The following GABRB1 variants were observed in gnomAD, a reference collection of about 807,000 sequenced individuals.
GABRB1 encodes the protein gamma-aminobutyric acid receptor subunit beta-1.
GABRB1 carries 17 observed loss-of-function variants against 51.6 expected under a neutral mutation model. The observed-to-expected ratio is 0.33, with a 90% CI of 0.23 to 0.49. GABRB1 has a LOEUF of 0.49. Ranked by LOEUF, GABRB1 falls within the 20% of genes least tolerant of loss-of-function variation. The probability of loss-of-function intolerance (pLI) is 0.99; values close to 1 mark genes in which losing one functional copy is unlikely to be tolerated. For synonymous variants in GABRB1, 247 were observed against 218.9 expected (o/e 1.13, Z -1.14); for missense variants, 410 against 600.6 (o/e 0.68, Z 3.32).
chr4:47,097,525 T>G (rs1714506434), intron 3 of GABRB1, among the ~76,000 whole-genome samples: 1 of 152,242 alleles, frequency 6.6e-6, no homozygotes, highest in African/African-American at 2.4e-5. Flanking sequence ...ACAACACTTC[T>G]TCCATTTTAC....
At chr4:47,333,059 AATCT>A (rs1209439903) in intron 5 of GABRB1, among the ~76,000 whole-genome samples, 1 of 148,078 alleles carries the variant, frequency 6.8e-6, no homozygotes, top group Non-Finnish European at 1.5e-5. Context: ...ACAAGATGTT[AATCT>A]ATTTTTAAAA....
rs114601873 is a variant in GABRB1, at chr4:47,419,551, G to A, written c.1081-6123G>A. 7.0e-3 allele frequency among the ~76,000 whole-genome samples: 1,067 copies of A among 152,230 alleles called. 5 individuals are homozygous for A. The highest frequency in any genetic ancestry group is 0.01 in the Non-Finnish European group (714 of 68,008). ...AGTAAAACATTTAGAATCAATAGGG[G>A]GTCAGGGTTCCAGTGTTTGTACAGG... On this transcript the variant is annotated intron_variant, in intron 8 of 8. Coordinates refer to ENST00000295454, the MANE Select transcript of GABRB1 (RefSeq NM_000812.4).
chr4:47,239,442 G>A (rs1721443579), intron 4 of GABRB1, among the ~76,000 whole-genome samples: 1 of 152,106 alleles, frequency 6.6e-6, no homozygotes, highest in African/African-American at 2.4e-5. Flanking sequence ...TCTGGTAGGT[G>A]TATATTTAGC....
At chr4:47,407,957 T>G (rs2110056227) in intron 8 of GABRB1, among the ~76,000 whole-genome samples, 1 of 152,244 alleles carries the variant, frequency 6.6e-6, no homozygotes, top group Admixed American at 6.5e-5. Context: ...CCGGGCATTG[T>G]GGTGTTTGCC....
chr4:47,031,755 G>GCT (rs33980898), intron 1 of GABRB1, 24 bp downstream of exon 1: 18,174 of 473,922 alleles, frequency 0.038, 84 homozygotes, highest in African/African-American at 0.14. Context: ...GTTGAATCTC[G>GCT]CTCTCTCTCT....
intron 1 of GABRB1, among the ~76,000 whole-genome samples, chr4:47,001,812 T>G (rs4695187): frequency 0.61 from 93,498 of 152,098 alleles, 28,935 homozygotes; most frequent in East Asian, 0.66. Context: ...TACGGGGATA[T>G]AAAATTAAAT....
chr4:47,411,599 T>C (rs1728763770), intron 8 of GABRB1, among the ~76,000 whole-genome samples: 1 of 152,192 alleles, frequency 6.6e-6, no homozygotes, highest in Admixed American at 6.5e-5. Flanking sequence ...GAATGCTTGT[T>C]ACATGAATCT....
At chr4:47,304,783 T>G (rs560313388) in intron 4 of GABRB1, among the ~76,000 whole-genome samples, 1 of 152,230 alleles carries the variant, frequency 6.6e-6, no homozygotes, top group South Asian at 2.1e-4. Context: ...ATTTTATGTA[T>G]GGAGCTACTA....
intron 5 of GABRB1, among the ~76,000 whole-genome samples, chr4:47,337,573 G>A (rs1395146010): frequency 6.6e-6 from 1 of 151,934 alleles, no homozygotes; most frequent in African/African-American, 2.4e-5. Context: ...GGGAGGCCGA[G>A]GCAGGTGGAT....
intron 3 of GABRB1, among the ~76,000 whole-genome samples, chr4:47,145,260 C>T (rs1408122338): frequency 2.6e-5 from 4 of 151,856 alleles, no homozygotes; most frequent in African/African-American, 7.2e-5. Context: ...CTTTTTTGGA[C>T]TTATGGCAGC....
intron 3 of GABRB1, among the ~76,000 whole-genome samples, chr4:47,129,539 C>G (rs1238981445): frequency 6.6e-6 from 1 of 152,182 alleles, no homozygotes; most frequent in Non-Finnish European, 1.5e-5. Context: ...GTGATAGACA[C>G]AGTTCCTGCC....
chr4:47,198,524 C>T (rs911399463), intron 4 of GABRB1, among the ~76,000 whole-genome samples: 2 of 152,022 alleles, frequency 1.3e-5, no homozygotes, highest in East Asian at 3.9e-4. Flanking sequence ...TGTAGAATAC[C>T]TAAATGATCA....
intron 5 of GABRB1, among the ~76,000 whole-genome samples, chr4:47,337,258 A>C (rs1379516161): frequency 6.6e-6 from 1 of 152,030 alleles, no homozygotes; most frequent in Non-Finnish European, 1.5e-5. Context: ...CCCCCGAAAG[A>C]AGTGACAAAG....
chr4:47,257,399 T>C (rs1247640796), intron 4 of GABRB1, among the ~76,000 whole-genome samples: 1 of 152,198 alleles, frequency 6.6e-6, no homozygotes. Context: ...ATTATTCTAC[T>C]TTGAGCTTTG....
chr4:47,194,620 C>T (rs545284214), intron 4 of GABRB1, among the ~76,000 whole-genome samples: 3 of 152,302 alleles, frequency 2.0e-5, no homozygotes, highest in Admixed American at 6.5e-5. Flanking sequence ...CAAACTAGCA[C>T]ATCAGTGCTG....
intron 8 of GABRB1, among the ~76,000 whole-genome samples, chr4:47,421,312 T>G (rs918645722): frequency 2.0e-5 from 3 of 152,112 alleles, no homozygotes; most frequent in African/African-American, 7.2e-5. Context: ...ATGTACCTTG[T>G]TAACCCTGAC....
intron 3 of GABRB1, among the ~76,000 whole-genome samples, chr4:47,042,051 C>A (rs1725868672): frequency 6.6e-6 from 1 of 151,900 alleles, no homozygotes; most frequent in African/African-American, 2.4e-5. Flanking sequence ...TCTTCCTAAC[C>A]TTGCCTTTAT....
intron 4 of GABRB1, among the ~76,000 whole-genome samples, chr4:47,216,917 T>A (rs1027123947): frequency 2.6e-5 from 4 of 151,856 alleles, no homozygotes; most frequent in Admixed American, 2.0e-4. Flanking sequence ...TGCCACATTG[T>A]TTTAACAGTG....
chr4:47,170,109 T>C (rs994425883), intron 4 of GABRB1, among the ~76,000 whole-genome samples: 2 of 152,306 alleles, frequency 1.3e-5, no homozygotes, highest in Admixed American at 1.3e-4. Flanking sequence ...ATGAGTCTAA[T>C]GTTAACTAAA....
Sources: gnomAD v4.1 joint callset for allele counts (sites outside exome capture counted in the v4.1 genomes callset) on GRCh38, gnomAD v4.1.1 for gene constraint, MANE v1.5 for transcripts, NCBI Gene and HGNC (gene_info 2026-07-23, HGNC 2026-07-21) for gene names.